The following CDH13 variants were observed in gnomAD, a reference collection of about 807,000 sequenced individuals.
CDH13 encodes the protein cadherin-13.
A neutral mutation model predicts 63.8 loss-of-function variants in CDH13; 24 were observed. The observed-to-expected ratio is 0.38, with a 90% confidence interval of 0.27 to 0.53. The LOEUF is 0.53. CDH13 is among the 20% of genes least tolerant of loss of function. The probability of loss-of-function intolerance (pLI) is 0.85; values close to 1 mark genes in which losing one functional copy is unlikely to be tolerated. For synonymous variants in CDH13, 503 were observed against 355.3 expected (o/e 1.42, Z -4.67); for missense variants, 1,049 against 903.1 (o/e 1.16, Z -2.07).
chr16:83,513,174 G>A (rs529300327), intron 7 of CDH13, among the ~76,000 whole-genome samples: 37 of 152,232 alleles, frequency 2.4e-4, no homozygotes, highest in Admixed American at 8.5e-4. Flanking sequence ...ATAAGTTGAG[G>A]TTGGATTTGC....
At chr16:83,304,295 T>C (rs1408347592) in intron 5 of CDH13, among the ~76,000 whole-genome samples, 4 of 152,120 alleles carry the variant, frequency 2.6e-5, no homozygotes, top group Non-Finnish European at 5.9e-5. Flanking sequence ...AACCATCCAC[T>C]AAATGGAAAG....
chr16:82,684,050 G>A (rs1355990814), intron 1 of CDH13, among the ~76,000 whole-genome samples: 2 of 152,166 alleles, frequency 1.3e-5, no homozygotes, highest in African/African-American at 2.4e-5. Context: ...TATTTATATT[G>A]AGGCAACCAA....
intron 3 of CDH13, among the ~76,000 whole-genome samples, chr16:83,050,961 G>C (rs556345321): frequency 6.6e-6 from 1 of 152,078 alleles, no homozygotes; most frequent in Non-Finnish European, 1.5e-5. Flanking sequence ...TCTCCCATGT[G>C]GTTTCTACCT....
chr16:83,702,707 G>A (rs1232660823), intron 10 of CDH13, among the ~76,000 whole-genome samples: 3 of 152,184 alleles, frequency 2.0e-5, no homozygotes, highest in Non-Finnish European at 4.4e-5. Context: ...CTTATCCAGT[G>A]TTAGCTCCCT....
chr16:83,619,796 G>T (rs1408626416), intron 8 of CDH13, among the ~76,000 whole-genome samples: 1 of 152,220 alleles, frequency 6.6e-6, no homozygotes, highest in East Asian at 1.9e-4. Context: ...TCCAAATAAG[G>T]TTACAGTCTG....
At position 82,930,118 on chromosome 16, in the gene CDH13, C is replaced by A. The variant is rs562765293; in HGVS notation, c.157+71645C>A. 1.4e-3 allele frequency among the ~76,000 whole-genome samples: 201 copies of A among 143,174 alleles called. 2 individuals are homozygous for A. The Middle Eastern group carries it at 0.016, about 11-fold the overall frequency. The allele number at this position is 143,174 out of a possible 152,430, so 93.9% of individuals were successfully genotyped here. On this transcript the variant is annotated intron_variant, in intron 2 of 13. Transcript: ENST00000567109. The stretch of plus-strand genomic sequence containing the variant: ...GGAGTGTATTGGTGCAATCTCAGCT[C>A]ACTACAACCTCTGCCTCCCAATATA...
chr16:82,661,691 C>G (rs1170745008), intron 1 of CDH13, among the ~76,000 whole-genome samples: 1 of 152,198 alleles, frequency 6.6e-6, no homozygotes, highest in African/African-American at 2.4e-5. Flanking sequence ...ACTCGTCTGT[C>G]TTTTATTCCA....
At chr16:82,663,792 T>C (rs1033385896) in intron 1 of CDH13, among the ~76,000 whole-genome samples, 1 of 152,184 alleles carries the variant, frequency 6.6e-6, no homozygotes, top group Non-Finnish European at 1.5e-5. Context: ...TTGGGGGTGA[T>C]CTCTGGTCCC....
At chr16:83,488,495 C>G (rs564619927) in intron 7 of CDH13, among the ~76,000 whole-genome samples, 45 of 152,316 alleles carry the variant, frequency 3.0e-4, no homozygotes, top group African/African-American at 1.0e-3. Context: ...CATTGAAACT[C>G]TGATTGTCCT....
chr16:83,558,631 C>G (rs1567762817), intron 7 of CDH13, among the ~76,000 whole-genome samples: 1 of 151,996 alleles, frequency 6.6e-6, no homozygotes, highest in African/African-American at 2.4e-5. Context: ...GCAAGTGGAA[C>G]TTTTTTTCCC....
At chr16:82,978,925 G>T (rs757630131) in intron 2 of CDH13, among the ~76,000 whole-genome samples, 1 of 152,128 alleles carries the variant, frequency 6.6e-6, no homozygotes. Context: ...GACACTCAAA[G>T]CTAGCCATGA....
rs1358757616 is a variant in CDH13, at chr16:83,798,941, A to G, written c.*3911A>G. On this transcript the variant is annotated 3_prime_UTR_variant, in exon 14 of 14. Transcript: ENST00000567109. ...AAATTTTTCCTGTGCAAGATAACGT[A>G]ATTATTTGCCCCTTCCCTTCCATGG... 6.6e-6 allele frequency: 1 copy of G among 152,108 alleles called. No homozygotes were observed. Among genetic ancestry groups the G allele is most frequent in the Non-Finnish European group, 1.5e-5 (1 of 68,030 alleles). 9.4% of individuals were successfully genotyped at this position (152,108 alleles called of 1,614,324 possible).
intron 5 of CDH13, among the ~76,000 whole-genome samples, chr16:83,261,324 A>G (rs1249913504): frequency 2.0e-5 from 3 of 152,176 alleles, no homozygotes; most frequent in African/African-American, 7.2e-5. Context: ...TCCCCTCGAT[A>G]AGCCAGCTGT....
intron 6 of CDH13, among the ~76,000 whole-genome samples, chr16:83,350,628 C>G (rs767434271): frequency 5.9e-5 from 9 of 152,172 alleles, no homozygotes; most frequent in Non-Finnish European, 5.9e-5. Context: ...TCTGAATGTG[C>G]AACACTGGAC....
intron 2 of CDH13, among the ~76,000 whole-genome samples, chr16:82,870,728 A>T (rs973615446): frequency 2.0e-5 from 3 of 152,234 alleles, no homozygotes; most frequent in Non-Finnish European, 4.4e-5. Flanking sequence ...GTATATCTGT[A>T]TCAAAACATC....
At chr16:82,641,684 G>C (rs932163385) in intron 1 of CDH13, among the ~76,000 whole-genome samples, 2 of 152,220 alleles carry the variant, frequency 1.3e-5, no homozygotes, top group Non-Finnish European at 2.9e-5. Flanking sequence ...AGTGGAGGCT[G>C]TCTAAACAGT....
intron 4 of CDH13, among the ~76,000 whole-genome samples, chr16:83,136,307 C>A (rs1466652256): frequency 6.6e-6 from 1 of 151,582 alleles, no homozygotes; most frequent in Non-Finnish European, 1.5e-5. Flanking sequence ...CATGGTGAAA[C>A]CCTGTCTCTA....
At chr16:83,230,721 A>C (rs748243755) in intron 5 of CDH13, among the ~76,000 whole-genome samples, 4 of 152,144 alleles carry the variant, frequency 2.6e-5, no homozygotes, top group African/African-American at 4.8e-5. Context: ...CAGGAGGTGG[A>C]GGTAGTGGTG....
At chr16:83,610,013 T>C (rs987668857) in intron 8 of CDH13, among the ~76,000 whole-genome samples, 1 of 152,222 alleles carries the variant, frequency 6.6e-6, no homozygotes, top group Non-Finnish European at 1.5e-5. Flanking sequence ...TAGCATTATG[T>C]CTTCATGGTC....
Sources: allele counts gnomAD v4.1 joint callset (sites outside exome capture counted in the v4.1 genomes callset), GRCh38; gene constraint gnomAD v4.1.1; transcripts MANE v1.5; gene names NCBI Gene and HGNC (gene_info 2026-07-23, HGNC 2026-07-21).